The following TTC6 variants were observed in gnomAD, a reference collection of about 807,000 sequenced individuals.
TTC6 encodes tetratricopeptide repeat protein 6.
A neutral mutation model predicts 210.4 loss-of-function variants in TTC6; 172 were observed. That is an observed-to-expected ratio of 0.82 (90% CI 0.72 to 0.93). The LOEUF (loss-of-function observed/expected upper bound fraction) is 0.93. TTC6 is among the 40% of genes least tolerant of loss of function. The probability of loss-of-function intolerance (pLI) is 0.00; values close to 1 mark genes in which losing one functional copy is unlikely to be tolerated. For synonymous variants in TTC6, 804 were observed against 819.6 expected, an observed-to-expected ratio of 0.98 and a Z score of 0.32; for missense variants, 2,414 against 2,318.1, an observed-to-expected ratio of 1.04 and a Z score of -0.85.
chr14:37,749,837 A>C, exon 12 of TTC6: 2 of 1,389,546 alleles, frequency 1.4e-6, no homozygotes, highest in Non-Finnish European at 1.9e-6. Context: ...TAATAAAAAT[A>C]ATACAGGTGG....
At chr14:37,829,904 G>A (rs1358570592) in intron 29 of TTC6, among the ~76,000 whole-genome samples, 1 of 151,868 alleles carries the variant, frequency 6.6e-6, no homozygotes, top group African/African-American at 2.4e-5. Context: ...GTATTATTTT[G>A]TTACCCTTAT....
intron 14 of TTC6, among the ~76,000 whole-genome samples, chr14:37,778,813 G>A (rs1362602435): frequency 6.6e-6 from 1 of 152,154 alleles, no homozygotes. Context: ...CCTGGGAGAG[G>A]CCAGCAGACA....
chr14:37,787,117 A>G (rs1251946830), intron 14 of TTC6, among the ~76,000 whole-genome samples: 3 of 152,184 alleles, frequency 2.0e-5, no homozygotes, highest in Non-Finnish European at 4.4e-5. Context: ...CTAGGAAGCA[A>G]TTTTGTATAA....
At chr14:37,666,245 A>G (rs2095747733) in intron 1 of TTC6, among the ~76,000 whole-genome samples, 1 of 149,752 alleles carries the variant, frequency 6.7e-6, no homozygotes. Context: ...TGACTGCAAC[A>G]TTCCCCATCG....
At chr14:37,798,443 G>A (rs2096097804) in intron 20 of TTC6, among the ~76,000 whole-genome samples, 1 of 151,678 alleles carries the variant, frequency 6.6e-6, no homozygotes, top group Admixed American at 6.6e-5. Context: ...ACTGATTTTG[G>A]AATACTTATC....
intron 23 of TTC6, among the ~76,000 whole-genome samples, 157 bp downstream of exon 25, chr14:37,807,617 A>AT (rs919297665): frequency 2.6e-5 from 4 of 151,982 alleles, no homozygotes; most frequent in African/African-American, 4.8e-5. Context: ...CCCAATTCAT[A>AT]TTTTTTTCAC....
chr14:37,713,110 G>A (rs2095847154), intron 5 of TTC6, among the ~76,000 whole-genome samples: 1 of 152,104 alleles, frequency 6.6e-6, no homozygotes, highest in African/African-American at 2.4e-5. Context: ...CACAGCTTTG[G>A]ACTCTGGAGC....
intron 1 of TTC6, among the ~76,000 whole-genome samples, chr14:37,660,459 C>CT (rs2095735094): frequency 6.6e-6 from 1 of 152,188 alleles, no homozygotes; most frequent in African/African-American, 2.4e-5. Flanking sequence ...TCAGCTTCCA[C>CT]TTACAACTGA....
intron 2 of TTC6, among the ~76,000 whole-genome samples, 171 bp downstream of exon 4, chr14:37,680,432 G>C (rs1222824920): frequency 1.3e-5 from 2 of 152,064 alleles, no homozygotes; most frequent in Non-Finnish European, 2.9e-5. Context: ...GGCCATTTTG[G>C]CTCACTGTTG....
chr14:37,597,557 T>C (rs915308727), intron 1 of TTC6, among the ~76,000 whole-genome samples: 1 of 150,686 alleles, frequency 6.6e-6, no homozygotes, highest in Admixed American at 6.6e-5. Flanking sequence ...AAAAAAAAAA[T>C]TGACTTAAGA....
At chr14:37,729,908 AG>A (rs1447213042) in intron 7 of TTC6, among the ~76,000 whole-genome samples, 1 of 152,200 alleles carries the variant, frequency 6.6e-6, no homozygotes, top group African/African-American at 2.4e-5. Flanking sequence ...TTGTTTTAAA[AG>A]AAGTGAAATT....
chr14:37,620,440 A>G (rs1490374963), upstream of TTC6, among the ~76,000 whole-genome samples: 1 of 152,088 alleles, frequency 6.6e-6, no homozygotes, highest in East Asian at 1.9e-4. Context: ...ATTTCTTGAA[A>G]TGCTCCTCTT....
At chr14:37,803,132 G>A (rs1054786995) in intron 20 of TTC6, among the ~76,000 whole-genome samples, 38 of 151,970 alleles carry the variant, frequency 2.5e-4, no homozygotes, top group Non-Finnish European at 5.9e-5. Flanking sequence ...TGTATTATTT[G>A]AGGACTGCTT....
chr14:37,728,954 A>G (rs1380767260), intron 7 of TTC6, among the ~76,000 whole-genome samples: 1 of 152,170 alleles, frequency 6.6e-6, no homozygotes, highest in Admixed American at 6.5e-5. Flanking sequence ...TGCATTTCGT[A>G]TATCCATTCA....
intron 1 of TTC6, among the ~76,000 whole-genome samples, chr14:37,638,953 T>C (rs2095686257): frequency 6.6e-6 from 1 of 152,224 alleles, no homozygotes. Flanking sequence ...TACTGTTGTT[T>C]ATCCTTCTAC....
intron 14 of TTC6, among the ~76,000 whole-genome samples, chr14:37,783,914 G>A (rs1232707619): frequency 1.3e-5 from 2 of 152,176 alleles, no homozygotes; most frequent in African/African-American, 2.4e-5. Context: ...GGAGCAGGTT[G>A]TTCAGCTTCC....
intron 7 of TTC6, among the ~76,000 whole-genome samples, chr14:37,729,538 T>C (rs2095880697): frequency 1.3e-5 from 2 of 152,194 alleles, no homozygotes; most frequent in Non-Finnish European, 2.9e-5. Flanking sequence ...GCATTCCTGC[T>C]TGATTGTGAT....
chr14:37,789,498 T>C (rs982338133), intron 15 of TTC6, among the ~76,000 whole-genome samples: 2 of 151,392 alleles, frequency 1.3e-5, no homozygotes. Context: ...GTATATACTA[T>C]GGTTAAACCT....
intron 3 of TTC6, 35 bp from the exon 6 acceptor site, chr14:37,696,682 C>A: frequency 1.8e-6 from 2 of 1,092,906 alleles, no homozygotes; most frequent in Non-Finnish European, 2.5e-6. Context: ...CATGTTACAT[C>A]TTCTCTTAAC....
Sources: allele counts gnomAD v4.1 joint callset (sites outside exome capture counted in the v4.1 genomes callset), GRCh38; gene constraint gnomAD v4.1.1; transcripts MANE v1.5; gene names NCBI Gene and HGNC (gene_info 2026-07-23, HGNC 2026-07-21).